The following SPPL2B variants were observed in gnomAD, a reference collection of about 807,000 sequenced individuals.
The protein encoded by SPPL2B is signal peptide peptidase-like 2B.
A neutral mutation model predicts 59.7 loss-of-function variants in SPPL2B; 39 were observed. The observed-to-expected ratio is 0.65, with a 90% CI of 0.51 to 0.85. The LOEUF (loss-of-function observed/expected upper bound fraction) is 0.85, where lower values mean the gene tolerates loss of function less well. Among genes scored for constraint, SPPL2B ranks in the 40% least tolerant of loss-of-function variants. The probability of loss-of-function intolerance (pLI) is 0.00; values close to 1 mark genes in which losing one functional copy is unlikely to be tolerated. For missense variants in SPPL2B, 865 were observed against 849.0 expected (o/e 1.02, Z -0.23); for synonymous variants, 419 against 370.8 (o/e 1.13, Z -1.49).
At chr19:2,339,374 C>T (rs76865962) in intron 5 of SPPL2B, among the ~76,000 whole-genome samples, 166 bp downstream of exon 5, 5 of 152,170 alleles carry the variant, frequency 3.3e-5, no homozygotes, top group African/African-American at 1.2e-4. Flanking sequence ...CAGAATCAGT[C>T]TCTTTTCCTG....
At chr19:2,350,512 C>CCA (rs199683903) in intron 13 of SPPL2B, among the ~76,000 whole-genome samples, 1,593 of 151,782 alleles carry the variant, frequency 0.01, 13 homozygotes, top group Non-Finnish European at 0.016. Context: ...CTCTCTCTCT[C>CCA]CACACACACA....
At chr19:2,351,732 G>C (rs1335216636) in intron 14 of SPPL2B, 138 bp downstream of exon 14, 1 of 1,206,236 alleles carries the variant, frequency 8.3e-7, no homozygotes, top group African/African-American at 1.5e-5. Flanking sequence ...TTCTGCTTTG[G>C]GTGTCATGCG....
rs370900643 is a variant in SPPL2B at position 2,334,653 on chromosome 19, G to A, written c.118G>A (p.Glu40Lys). 8 of 1,613,048 alleles carry A rather than the reference G, an allele frequency of 5.0e-6. No individual in the cohort carries two copies. Among genetic ancestry groups the A allele is most frequent in the Middle Eastern group, 1.7e-4 (1 of 6,058 alleles). ...VHVVSQAGGP[E>K]GKDYCILYNP... ...CGTGGTCTCCCAGGCCGGGGGCCCCGAAGGCAAAGACTACTGCATCCTCTA... is the reference window on the plus strand; with the variant it reads ...CGTGGTCTCCCAGGCCGGGGGCCCCAAAGGCAAAGACTACTGCATCCTCTA... The change falls in exon 2 of 15, where the codon GAA (glutamate) becomes AAA (lysine). Residue 40 changes from glutamate to lysine, a missense_variant. Transcript: ENST00000613503.
chr19:2,346,012 G>A (rs998646703), intron 13 of SPPL2B, among the ~76,000 whole-genome samples: 1 of 152,098 alleles, frequency 6.6e-6, no homozygotes, highest in African/African-American at 2.4e-5. Context: ...TTTCTTTCCT[G>A]TTTTCCTCTT....
At position 2,332,755 on chromosome 19, in the gene SPPL2B, A is replaced by T. The variant is rs898973534; in HGVS notation, c.67-1847A>T. 2.6e-5 allele frequency among the ~76,000 whole-genome samples: 4 copies of T among 152,136 alleles called. No individual in the cohort carries two copies. The highest frequency in any genetic ancestry group is 9.7e-5 in the African/African-American group (4 of 41,426). ...CTTCTGGGACCCCTCCTCCCTGTGC[A>T]GGCCGGGCTCCCCTGGGGGCCCACA... On this transcript the variant is annotated intron_variant, in intron 1 of 14. Transcript: ENST00000613503. The surrounding 1 kb of genome is among the most constrained non-coding windows in gnomAD (Gnocchi z 4.6).
chr19:2,328,976 C>T (rs1158160275), intron 1 of SPPL2B, among the ~76,000 whole-genome samples: 1 of 152,226 alleles, frequency 6.6e-6, no homozygotes, highest in East Asian at 1.9e-4. Flanking sequence ...CTCCTTTCCC[C>T]GCCTCGGAGG....
rs1345201557 is a variant in SPPL2B at position 2,332,045 on chromosome 19, C to CA, written c.67-2556dup. Among the ~76,000 whole-genome samples, 1 of 152,234 alleles carries CA rather than the reference C, an allele frequency of 6.6e-6. No individual in the cohort carries two copies. Among genetic ancestry groups the CA allele is most frequent in the Non-Finnish European group, 1.5e-5 (1 of 68,040 alleles). ...CCGGGGCCAGACTAAGGGGTGCTCT[C>CA]ACGGGCAGGCAGTCTGGTGGGCAGA... On this transcript the variant is annotated intron_variant, in intron 1 of 14. Transcript: ENST00000613503. The surrounding 1 kb of genome is among the most constrained non-coding windows in gnomAD (Gnocchi z 4.6).
At chr19:2,338,876 G>A (rs1358603944) in intron 4 of SPPL2B, 35 bp downstream of exon 4, 1 of 1,599,890 alleles carries the variant, frequency 6.3e-7, no homozygotes, top group Admixed American at 1.7e-5. Flanking sequence ...ACGCTCCCGA[G>A]GAGATGGGGC....
chr19:2,346,847 C>T lies in SPPL2B; in HGVS notation c.1354+1517C>T, dbSNP rs574291163. On this transcript the variant is annotated intron_variant, in intron 13 of 14. Transcript: ENST00000613503. ...GTCTGTTGATGATGGCTGATGGACACGTGGATGGCCTAAAATGGACCAATA... is the reference window on the plus strand; with the variant it reads ...GTCTGTTGATGATGGCTGATGGACATGTGGATGGCCTAAAATGGACCAATA... Among the ~76,000 whole-genome samples, 10 of 152,242 alleles carry T rather than the reference C, an allele frequency of 6.6e-5. No homozygotes were observed. In the South Asian group the frequency reaches 1.5e-3, roughly 22 times the overall value.
At chr19:2,339,242 G>T (rs372809399) in intron 5 of SPPL2B, 34 bp downstream of exon 5, 8 of 1,587,856 alleles carry the variant, frequency 5.0e-6, no homozygotes, top group Non-Finnish European at 6.9e-6. Context: ...CTGTGACGGG[G>T]TCGGGCGGCT....
intron 10 of SPPL2B, 48 bp from the exon 11 acceptor site, chr19:2,344,314 C>G: frequency 2.5e-6 from 2 of 784,416 alleles, no homozygotes; most frequent in Non-Finnish European, 4.1e-6. Flanking sequence ...ACTCCCCTGC[C>G]CCCCCACCCC....
At chr19:2,342,855 A>G (rs1376448876) in intron 8 of SPPL2B, 1 of 246,084 alleles carries the variant, frequency 4.1e-6, no homozygotes, top group Non-Finnish European at 8.3e-6. Context: ...GACTGAGGGG[A>G]CGCAGCCGGC....
At chr19:2,347,504 C>T (rs1337089266) in intron 13 of SPPL2B, among the ~76,000 whole-genome samples, 2 of 14,486 alleles carry the variant, frequency 1.4e-4, no homozygotes, top group African/African-American at 4.9e-4. Flanking sequence ...CACTCTTATT[C>T]GCCTGATTCC....
chr19:2,354,413 T>G lies in SPPL2B; in HGVS notation c.*1204T>G, dbSNP rs1429378060. 3.9e-5 allele frequency: 6 copies of G among 152,196 alleles called. No homozygotes were observed. The highest frequency in any genetic ancestry group is 3.8e-4 in the East Asian group (2 of 5,202). 9.4% of individuals were successfully genotyped at this position (152,196 alleles called of 1,614,324 possible). A position where few individuals can be genotyped will look rare whatever the true frequency, so the allele number is the denominator to read the frequency against. On this transcript the variant is annotated 3_prime_UTR_variant, in exon 15 of 15. Coordinates refer to ENST00000613503, the MANE Select transcript of SPPL2B (RefSeq NM_152988.3). Reference sequence around the variant, plus strand: ...AGAGACAGAGCCCGCACCCTGGCTGTCTGTGGTGCCTGGGCCCCAGCTCCC... The same window carrying G: ...AGAGACAGAGCCCGCACCCTGGCTGGCTGTGGTGCCTGGGCCCCAGCTCCC...
In SPPL2B at chr19:2,353,125, G is replaced by T. The variant is rs777839132; in HGVS notation, c.1695G>T (p.Met565Ile). The T allele has an allele frequency of 6.2e-6, 10 of 1,610,772 alleles. No homozygotes were observed. The highest frequency in any genetic ancestry group is 8.5e-6 in the Non-Finnish European group (10 of 1,179,256). ...TSEEMGAGAP[M>I]REPGSPAESE... is the part of the protein sequence containing the mutation. ...AGGAGATGGGGGCTGGAGCCCCCAT[G>T]CGGGAGCCTGGGAGCCCAGCTGAAT... Residue 565 changes from methionine (M) to isoleucine (I), a missense_variant, in exon 15 of 15, where the codon ATG becomes ATT. Physicochemically the swap from Met to Ile is conservative, Grantham distance 10 (BLOSUM62 1). Coordinates refer to ENST00000613503, the MANE Select transcript of SPPL2B (RefSeq NM_152988.3).
chr19:2,337,556 C>T lies in SPPL2B; in HGVS notation c.300C>T (p.Phe100=), dbSNP rs373017490. 458 of 1,612,158 alleles carry T rather than the reference C, an allele frequency of 2.8e-4. 1 individual carries two copies. The African/African-American group carries it at 5.3e-3, about 19-fold the overall frequency. The part of the protein sequence containing the change: ...IPLVARGNCT[F]YEKVRLAQGS... ...TGGTGGCGCGGGGGAACTGCACCTTCTATGAGAAAGTGAGGCTGGCCCAGG... is the reference window on the plus strand; with the variant it reads ...TGGTGGCGCGGGGGAACTGCACCTTTTATGAGAAAGTGAGGCTGGCCCAGG... Residue 100 remains phenylalanine (F), a synonymous_variant, in exon 3 of 15, where the codon TTC becomes TTT. Coordinates refer to ENST00000613503, the MANE Select transcript of SPPL2B (RefSeq NM_152988.3).
chr19:2,345,529 A>C (rs952818713), intron 13 of SPPL2B, among the ~76,000 whole-genome samples, 199 bp downstream of exon 13: 5 of 149,466 alleles, frequency 3.3e-5, no homozygotes, highest in African/African-American at 1.2e-4. Flanking sequence ...CTGTGCCTGC[A>C]TCCCCCTCTT....
Position 2,340,171 on chromosome 19 carries a change from A to T in SPPL2B, c.838A>T (p.Arg280Trp). The T allele has an allele frequency of 6.4e-7, 1 of 1,563,510 alleles. No individual in the cohort carries two copies. Among genetic ancestry groups the T allele is most frequent in the South Asian group, 1.2e-5 (1 of 85,560 alleles). ...GCGGCGGCTGCCCTTCGGCAAGTGC[A>T]GGTGAGTCTGCCCTGCTGGCCCCGA... ...CVRRLPFGKC[R>W]IPNNSLPYFH... The change falls in exon 7 of 15, where the codon AGG (arginine) becomes TGG (tryptophan). Residue 280 changes from arginine (R) to tryptophan (W), a missense_variant and splice_region_variant. Physicochemically the swap from Arg to Trp is moderately radical, Grantham distance 101. Transcript: ENST00000613503.
At chr19:2,329,511 C>G (rs1015163446) in intron 1 of SPPL2B, among the ~76,000 whole-genome samples, 1 of 152,202 alleles carries the variant, frequency 6.6e-6, no homozygotes, top group African/African-American at 2.4e-5. Flanking sequence ...ATAACTGCAT[C>G]TTTTATTTTC....
Sources: allele counts gnomAD v4.1 joint callset (sites outside exome capture counted in the v4.1 genomes callset), GRCh38; gene constraint gnomAD v4.1.1; non-coding constraint Gnocchi (gnomAD v3.1); transcripts MANE v1.5; gene names NCBI Gene and HGNC (gene_info 2026-07-23, HGNC 2026-07-21).